Variants in ZFAND3 observed in about 807,000 individuals in gnomAD.
ZFAND3 encodes the protein zinc finger AN1-type containing 3.
Under a neutral mutation model 29.6 loss-of-function variants are expected in ZFAND3, and 10 were observed. The ratio of observed to expected loss-of-function variants is 0.34; its 90% confidence interval spans 0.21 to 0.57. The LOEUF (loss-of-function observed/expected upper bound fraction) is 0.57, where lower values mean the gene tolerates loss of function less well. Ranked by LOEUF, ZFAND3 falls within the 20% of genes least tolerant of loss-of-function variation. The probability of loss-of-function intolerance (pLI) is 0.86; values close to 1 mark genes in which losing one functional copy is unlikely to be tolerated. For synonymous variants in ZFAND3, 128 were observed against 112.6 expected (o/e 1.14, Z -0.87); for missense variants, 230 against 304.5 (o/e 0.76, Z 1.82).
At chr6:38,088,915 C>T (rs1018444398) in intron 4 of ZFAND3, among the ~76,000 whole-genome samples, 3 of 152,066 alleles carry the variant, frequency 2.0e-5, no homozygotes, top group African/African-American at 7.2e-5. Context: ...GCAGTTTTTC[C>T]AGAAAGTGTC....
At chr6:38,023,741 G>A (rs372315687) in intron 2 of ZFAND3, among the ~76,000 whole-genome samples, 2 of 152,274 alleles carry the variant, frequency 1.3e-5, no homozygotes, top group African/African-American at 2.4e-5. Flanking sequence ...AGAAGAAATA[G>A]CTTTTACAAA....
chr6:37,879,352 G>T lies in ZFAND3; in HGVS notation c.72-50607G>T, dbSNP rs541870899. Among the ~76,000 whole-genome samples the T allele has an allele frequency of 1.6e-4, 24 of 150,378 alleles. No individual in the cohort carries two copies. The East Asian group carries it at 1.9e-3, about 12-fold the overall frequency. Reference sequence around the variant, plus strand: ...GTTTTTTGTTTTGTTTTTTTTTTGTGGGGGAGCGGGTGGTGGTGGTGCAGG... The same window carrying T: ...GTTTTTTGTTTTGTTTTTTTTTTGTTGGGGAGCGGGTGGTGGTGGTGCAGG... On this transcript the variant is annotated intron_variant, in intron 1 of 5. Transcript: ENST00000287218.
chr6:38,096,980 A>G (rs954604869), intron 4 of ZFAND3, among the ~76,000 whole-genome samples: 11 of 152,034 alleles, frequency 7.2e-5, no homozygotes, highest in Non-Finnish European at 1.5e-5. Flanking sequence ...TTTTCTGTTT[A>G]TCTTGGTCTT....
intron 2 of ZFAND3, among the ~76,000 whole-genome samples, chr6:37,948,637 C>T (rs1023378499): frequency 1.3e-5 from 2 of 152,104 alleles, no homozygotes; most frequent in Non-Finnish European, 2.9e-5. Flanking sequence ...AGTAGGCCTG[C>T]GTATCTATAT....
At chr6:38,042,566 A>G (rs1363664759) in intron 2 of ZFAND3, among the ~76,000 whole-genome samples, 1 of 152,090 alleles carries the variant, frequency 6.6e-6, no homozygotes, top group East Asian at 1.9e-4. Flanking sequence ...CACCTGCCTC[A>G]GCCTCCCAAA....
At chr6:37,911,159 A>AGG (rs1765514074) in intron 1 of ZFAND3, among the ~76,000 whole-genome samples, 1 of 152,208 alleles carries the variant, frequency 6.6e-6, no homozygotes, top group African/African-American at 2.4e-5. Flanking sequence ...GTAGTATACA[A>AGG]GGGTTCCCTT....
chr6:37,986,167 A>G (rs1221208983), intron 2 of ZFAND3, among the ~76,000 whole-genome samples: 1 of 151,624 alleles, frequency 6.6e-6, no homozygotes, highest in African/African-American at 2.4e-5. Flanking sequence ...TTCTTTTTAC[A>G]TTTCTTTGTG....
intron 1 of ZFAND3, among the ~76,000 whole-genome samples, chr6:37,876,626 T>C (rs1342891024): frequency 6.6e-6 from 1 of 152,240 alleles, no homozygotes; most frequent in East Asian, 1.9e-4. Context: ...TTATCTCTGG[T>C]CAGTCTTTCA....
intron 2 of ZFAND3, among the ~76,000 whole-genome samples, chr6:37,978,281 C>G (rs1403586807): frequency 1.3e-5 from 2 of 152,190 alleles, no homozygotes; most frequent in Non-Finnish European, 2.9e-5. Flanking sequence ...TTAAAGCAGT[C>G]ATACAATTTT....
chr6:37,931,363 A>T (rs1428673910), intron 2 of ZFAND3, among the ~76,000 whole-genome samples: 2 of 152,068 alleles, frequency 1.3e-5, no homozygotes, highest in African/African-American at 2.4e-5. Context: ...TAGGGAGGTA[A>T]CCTTGAGCTG....
intron 2 of ZFAND3, among the ~76,000 whole-genome samples, chr6:37,946,733 C>T (rs937455495): frequency 2.0e-5 from 3 of 152,192 alleles, no homozygotes; most frequent in African/African-American, 4.8e-5. Context: ...TTTGCTATAG[C>T]GTGAATGAAC....
In ZFAND3 at chr6:38,142,563, T is replaced by C. The variant is rs568330387; in HGVS notation, c.530-9672T>C. On this transcript the variant is annotated intron_variant, in intron 5 of 5. Transcript: ENST00000287218. ...CTGCTCTGTTTGAGAAGATAATCTT[T>C]TAAAGGATTGGGAAATGCTGAAAGA... is the stretch of plus-strand genomic sequence containing the variant. 3.9e-5 allele frequency among the ~76,000 whole-genome samples: 6 copies of C among 152,316 alleles called. No homozygotes were observed. In the East Asian group the frequency reaches 1.2e-3, roughly 29 times the overall value.
intron 2 of ZFAND3, among the ~76,000 whole-genome samples, chr6:37,992,484 C>G (rs2127436039): frequency 6.6e-6 from 1 of 152,264 alleles, no homozygotes; most frequent in East Asian, 1.9e-4. Flanking sequence ...CAGTTACTTG[C>G]ATTTTTCCAC....
At chr6:37,949,813 T>C (rs1761965469) in intron 2 of ZFAND3, among the ~76,000 whole-genome samples, 1 of 152,244 alleles carries the variant, frequency 6.6e-6, no homozygotes. Flanking sequence ...TCCCTGTACA[T>C]GGAAGAGTTC....
chr6:37,822,278 G>A (rs1361688371), intron 1 of ZFAND3, among the ~76,000 whole-genome samples: 4 of 152,142 alleles, frequency 2.6e-5, no homozygotes, highest in Non-Finnish European at 1.5e-5. Context: ...TACTTTTTAT[G>A]AACTTCAGTT....
intron 2 of ZFAND3, among the ~76,000 whole-genome samples, chr6:37,956,848 T>C (rs1257832301): frequency 3.9e-5 from 6 of 152,184 alleles, no homozygotes; most frequent in Non-Finnish European, 7.3e-5. Context: ...AAGCCAGATA[T>C]GAAGAGAGGG....
chr6:38,046,079 T>G lies in ZFAND3; in HGVS notation c.113-15514T>G, dbSNP rs78714628. Among the ~76,000 whole-genome samples the G allele has an allele frequency of 0.015, 2,218 of 152,346 alleles. 251 individuals carry two copies. The East Asian group carries it at 0.28, about 19-fold the overall frequency. On this transcript the variant is annotated intron_variant, in intron 2 of 5. Coordinates refer to ENST00000287218, the MANE Select transcript of ZFAND3 (RefSeq NM_021943.3). ...ATATTTGAAAAATAAGTACCGGTGA[T>G]GATGACTGAACTATATCTCATTTTC...
At chr6:38,001,554 C>T (rs1762948792) in intron 2 of ZFAND3, among the ~76,000 whole-genome samples, 1 of 152,146 alleles carries the variant, frequency 6.6e-6, no homozygotes, top group African/African-American at 2.4e-5. Context: ...GGGCTTTTGG[C>T]CAAAGGTTCA....
At chr6:38,101,222 C>T (rs1765086203) in intron 4 of ZFAND3, among the ~76,000 whole-genome samples, 1 of 152,192 alleles carries the variant, frequency 6.6e-6, no homozygotes, top group South Asian at 2.1e-4. Context: ...TTTTCAGCAG[C>T]TCATTTTGCA....
Sources: allele counts gnomAD v4.1 joint callset (sites outside exome capture counted in the v4.1 genomes callset), GRCh38; gene constraint gnomAD v4.1.1; transcripts MANE v1.5; gene names NCBI Gene and HGNC (gene_info 2026-07-23, HGNC 2026-07-21).